The following CLK1 variants were observed in gnomAD, a reference collection of about 807,000 sequenced individuals.
CLK1 encodes the protein CDC like kinase 1, also known as dual specificity protein kinase CLK1.
Under a neutral mutation model 60.9 loss-of-function variants are expected in CLK1, and 40 were observed. The observed-to-expected ratio is 0.66, with a 90% CI of 0.51 to 0.86. The LOEUF (loss-of-function observed/expected upper bound fraction) is 0.86, where lower values mean the gene tolerates loss of function less well. Ranked by LOEUF, CLK1 falls within the 40% of genes least tolerant of loss-of-function variation. The pLI is 0.00. For missense variants in CLK1, 563 were observed against 606.1 expected (o/e 0.93, Z 0.75); for synonymous variants, 203 against 184.4 (o/e 1.10, Z -0.82).
intron 5 of CLK1, among the ~76,000 whole-genome samples, chr2:200,859,079 G>C (rs760643180): frequency 6.6e-6 from 1 of 152,064 alleles, no homozygotes; most frequent in Non-Finnish European, 1.5e-5. Context: ...CTACTCAGGA[G>C]GCTGAGGCAG....
rs901849006 is a variant in CLK1 at position 200,864,021 on chromosome 2, A to T, written c.-1+543T>A. The T allele has an allele frequency of 7.7e-6, 11 of 1,437,600 alleles. No individual in the cohort carries two copies. The African/African-American group carries it at 1.3e-4, about 17-fold the overall frequency. The allele number at this position is 1,437,600 out of a possible 1,614,324, so 89.1% of individuals were successfully genotyped here. A position where few individuals can be genotyped will look rare whatever the true frequency, so the allele number is the denominator to read the frequency against. On this transcript the variant is annotated intron_variant, in intron 1 of 12. Coordinates refer to ENST00000321356, the MANE Select transcript of CLK1 (RefSeq NM_004071.4). ...TGTTAACACCACTGAGGACAAAGCC[A>T]CTCGCGATGTTTACGCCGACACTTT...
rs748652922 is a variant in CLK1 at position 200,856,878 on chromosome 2, T to C, written c.927+13A>G. 15 of 1,613,940 alleles carry C rather than the reference T, an allele frequency of 9.3e-6. No individual in the cohort carries two copies. Among genetic ancestry groups the C allele is most frequent in the Middle Eastern group, 3.3e-4 (2 of 6,084 alleles). ...AGGCATAAGATACTTTATGAATATTTTGGAAGACTTACTATTTTGGGATTA... is the reference window on the plus strand; with the variant it reads ...AGGCATAAGATACTTTATGAATATTCTGGAAGACTTACTATTTTGGGATTA... On this transcript the variant is annotated intron_variant, in intron 8 of 12. Coordinates refer to ENST00000321356, the MANE Select transcript of CLK1 (RefSeq NM_004071.4).
Position 200,864,652 on chromosome 2 carries a change from A to C in CLK1, c.-89T>G. The C allele has an allele frequency of 6.2e-6, 1 of 160,752 alleles. No individual in the cohort carries two copies. Among genetic ancestry groups the C allele is most frequent in the Non-Finnish European group, 1.4e-5 (1 of 73,244 alleles). The allele number at this position is 160,752 out of a possible 1,614,324, so 10.0% of individuals were successfully genotyped here. ...CAGCTGACTGCGTCGCGCACCAACA[A>C]CAAAATGGAGCTGACAGCTGCTGCG... On this transcript the variant is annotated 5_prime_UTR_variant, in exon 1 of 13. Coordinates refer to ENST00000321356, the MANE Select transcript of CLK1 (RefSeq NM_004071.4).
At chr2:200,859,073 T>C (rs1241934118) in intron 5 of CLK1, among the ~76,000 whole-genome samples, 2 of 151,870 alleles carry the variant, frequency 1.3e-5, no homozygotes, top group Admixed American at 6.6e-5. Flanking sequence ...TTCCAGCTAC[T>C]CAGGAGGCTG....
chr2:200,861,135 G>C, intron 3 of CLK1, 103 bp downstream of exon 3: 1 of 1,519,260 alleles, frequency 6.6e-7, no homozygotes, highest in Non-Finnish European at 8.8e-7. Flanking sequence ...AAACTGAGAT[G>C]ATTTCATCTT....
At chr2:200,857,510 A>G (rs1203761298) in intron 7 of CLK1, 3 of 442,024 alleles carry the variant, frequency 6.8e-6, no homozygotes, top group African/African-American at 6.0e-5. Flanking sequence ...ATAGTCTGCA[A>G]CAAAGTACGT....
chr2:200,861,917 A>G, intron 1 of CLK1, 55 bp from the exon 2 acceptor site: 6 of 1,517,032 alleles, frequency 4.0e-6, no homozygotes, highest in South Asian at 3.5e-5. Flanking sequence ...TGAGCTGTTT[A>G]AAATTCGTAA....
At chr2:200,856,316 C>T (rs1222633772) in intron 9 of CLK1, among the ~76,000 whole-genome samples, 2 of 152,020 alleles carry the variant, frequency 1.3e-5, no homozygotes, top group Non-Finnish European at 2.9e-5. Flanking sequence ...GTGGTCTGCC[C>T]GCCTTGGCCT....
chr2:200,864,201 G>A (rs931544366), intron 1 of CLK1: 1 of 1,550,072 alleles, frequency 6.5e-7, no homozygotes, highest in Non-Finnish European at 8.7e-7. Context: ...CCACAGGGCC[G>A]AAGCCGGCCT....
At chr2:200,857,076 G>A (rs375143376) in intron 7 of CLK1, 91 bp from the exon 8 acceptor site, 14 of 950,630 alleles carry the variant, frequency 1.5e-5, no homozygotes, top group Non-Finnish European at 2.0e-5. Context: ...AGTGGCTCAC[G>A]CCTGTAATCA....
At chr2:200,856,121 G>T (rs1276868389) in intron 9 of CLK1, among the ~76,000 whole-genome samples, 1 of 151,630 alleles carries the variant, frequency 6.6e-6, no homozygotes, top group African/African-American at 2.4e-5. Context: ...CGCCCAGGCC[G>T]GAGTGCAGTG....
At chr2:200,860,709 C>G in intron 3 of CLK1, 1 of 998,458 alleles carries the variant, frequency 1.0e-6, no homozygotes, top group Non-Finnish European at 1.2e-6. Flanking sequence ...ATTTGGCATA[C>G]AAGAATAACA....
At chr2:200,857,630 A>G in intron 7 of CLK1, 88 bp downstream of exon 7, 1 of 1,129,318 alleles carries the variant, frequency 8.9e-7, no homozygotes, top group Admixed American at 3.0e-5. Context: ...TTTTTAATCA[A>G]ATAAAAATTG....
intron 1 of CLK1, among the ~76,000 whole-genome samples, chr2:200,862,123 A>C (rs540488880): frequency 1.3e-5 from 2 of 152,182 alleles, no homozygotes; most frequent in East Asian, 3.9e-4. Context: ...AAAGTGAAAA[A>C]AGTAGAGGGA....
intron 5 of CLK1, among the ~76,000 whole-genome samples, chr2:200,859,356 T>G (rs1478782088): frequency 6.6e-6 from 1 of 152,108 alleles, no homozygotes; most frequent in Non-Finnish European, 1.5e-5. Flanking sequence ...AGGAGGATCT[T>G]AACATAAAAC....
At chr2:200,858,859 G>A (rs181250391) in intron 5 of CLK1, among the ~76,000 whole-genome samples, 31 of 150,674 alleles carry the variant, frequency 2.1e-4, no homozygotes, top group African/African-American at 7.1e-4. Flanking sequence ...AAAGAGTAAC[G>A]GAAAAAATTC....
At chr2:200,858,287 G>T in intron 5 of CLK1, 198 bp from the exon 6 acceptor site, 1 of 566,358 alleles carries the variant, frequency 1.8e-6, no homozygotes, top group Non-Finnish European at 3.2e-6. Flanking sequence ...GTTATTTTTT[G>T]GTATTTCAGC....
chr2:200,856,109 G>A (rs1004712097), intron 9 of CLK1, among the ~76,000 whole-genome samples: 4 of 151,600 alleles, frequency 2.6e-5, no homozygotes, highest in Non-Finnish European at 5.9e-5. Context: ...GTCTCGCTCT[G>A]TCGCCCAGGC....
intron 1 of CLK1, among the ~76,000 whole-genome samples, chr2:200,863,821 T>C (rs1458431398): frequency 3.3e-5 from 5 of 151,868 alleles, no homozygotes; most frequent in African/African-American, 9.7e-5. Flanking sequence ...GCCACTACAC[T>C]CTAGCCTGGG....
Sources: gnomAD v4.1 joint callset for allele counts (sites outside exome capture counted in the v4.1 genomes callset) on GRCh38, gnomAD v4.1.1 for gene constraint, MANE v1.5 for transcripts, NCBI Gene and HGNC (gene_info 2026-07-23, HGNC 2026-07-21) for gene names.